Variants in MAGI1 observed in about 807,000 individuals in gnomAD.
The protein encoded by MAGI1 is membrane-associated guanylate kinase, WW and PDZ domain-containing protein 1.
In MAGI1, 58 loss-of-function variants were observed where a neutral mutation model predicts 139.9. The observed-to-expected ratio is 0.41, with a 90% CI of 0.34 to 0.52. The LOEUF (loss-of-function observed/expected upper bound fraction) is 0.52, where lower values mean the gene tolerates loss of function less well. MAGI1 is among the 20% of genes least tolerant of loss of function. MAGI1 has a pLI of 0.12. For missense variants in MAGI1, 1,874 were observed against 1,901.6 expected (o/e 0.99, Z 0.27); for synonymous variants, 812 against 737.9 (o/e 1.10, Z -1.63).
intron 9 of MAGI1, among the ~76,000 whole-genome samples, chr3:65,437,967 T>C (rs1403996332): frequency 6.6e-6 from 1 of 152,182 alleles, no homozygotes; most frequent in East Asian, 1.9e-4. Context: ...ACACTGTCGA[T>C]GAGAATGTAA....
chr3:65,692,350 G>A (rs1003292305), intron 1 of MAGI1, among the ~76,000 whole-genome samples: 3 of 152,118 alleles, frequency 2.0e-5, no homozygotes, highest in African/African-American at 2.4e-5. Context: ...GCATACTCTG[G>A]GTTAAGAACT....
chr3:65,909,100 C>T (rs1341855538), intron 1 of MAGI1, among the ~76,000 whole-genome samples: 1 of 152,080 alleles, frequency 6.6e-6, no homozygotes, highest in Non-Finnish European at 1.5e-5. Flanking sequence ...TTCTCATTAC[C>T]AGAAGCCTTT....
intron 5 of MAGI1, among the ~76,000 whole-genome samples, chr3:65,462,195 T>C (rs1278521434): frequency 9.9e-5 from 15 of 152,230 alleles, no homozygotes; most frequent in Non-Finnish European, 2.2e-4. Context: ...TCTTTGCCCA[T>C]GCCTATGTCC....
At chr3:65,596,706 C>T (rs2082220373) in intron 2 of MAGI1, among the ~76,000 whole-genome samples, 1 of 152,172 alleles carries the variant, frequency 6.6e-6, no homozygotes, top group Admixed American at 6.5e-5. Context: ...GGAGGCATAG[C>T]CTTCCTGAAT....
intron 1 of MAGI1, among the ~76,000 whole-genome samples, chr3:65,665,548 A>C (rs918254702): frequency 4.6e-5 from 7 of 152,254 alleles, no homozygotes; most frequent in Non-Finnish European, 7.3e-5. Flanking sequence ...ATTAAACAGA[A>C]ATACAAGTAA....
chr3:65,532,281 T>A (rs2078749630), intron 2 of MAGI1, among the ~76,000 whole-genome samples: 1 of 152,226 alleles, frequency 6.6e-6, no homozygotes, highest in African/African-American at 2.4e-5. Flanking sequence ...TTCTCTGACC[T>A]CATCTGCTTT....
At chr3:65,800,807 A>G (rs1404111826) in intron 1 of MAGI1, among the ~76,000 whole-genome samples, 1 of 152,142 alleles carries the variant, frequency 6.6e-6, no homozygotes, top group Non-Finnish European at 1.5e-5. Context: ...TTTTTCTCAT[A>G]TATTTTCTTC....
intron 1 of MAGI1, among the ~76,000 whole-genome samples, chr3:66,006,029 A>G (rs1157052364): frequency 1.3e-5 from 2 of 152,160 alleles, no homozygotes; most frequent in African/African-American, 2.4e-5. Flanking sequence ...AAAAAATTAT[A>G]TTTAGAGAGA....
intron 2 of MAGI1, among the ~76,000 whole-genome samples, chr3:65,514,277 G>A (rs1368402801): frequency 7.0e-6 from 1 of 141,926 alleles, no homozygotes; most frequent in East Asian, 2.1e-4. Context: ...AACACCAAAA[G>A]CAATGGCAAC....
chr3:65,364,986 G>T, intron 18 of MAGI1, 40 bp from the exon 19 acceptor site: 1 of 1,538,060 alleles, frequency 6.5e-7, no homozygotes, highest in South Asian at 1.1e-5. Context: ...GAAGACCCCA[G>T]AGAAGACATC....
chr3:65,528,997 G>GA (rs1321524955), intron 2 of MAGI1, among the ~76,000 whole-genome samples: 1 of 152,158 alleles, frequency 6.6e-6, no homozygotes, highest in East Asian at 1.9e-4. Flanking sequence ...AGTGAGCTGA[G>GA]ACTGCACCAC....
intron 1 of MAGI1, among the ~76,000 whole-genome samples, chr3:65,681,842 GT>G (rs1450838306): frequency 1.3e-5 from 2 of 152,158 alleles, no homozygotes; most frequent in Non-Finnish European, 2.9e-5. Flanking sequence ...TTTAATAAGA[GT>G]TTTGGCTTTT....
intron 1 of MAGI1, among the ~76,000 whole-genome samples, chr3:65,790,141 C>T (rs1485211296): frequency 2.6e-5 from 4 of 152,160 alleles, no homozygotes; most frequent in Admixed American, 6.5e-5. Flanking sequence ...GCTTAACAGG[C>T]TAGGCAAGTT....
chr3:65,823,033 C>T (rs964915030), intron 1 of MAGI1, among the ~76,000 whole-genome samples: 3 of 152,168 alleles, frequency 2.0e-5, no homozygotes, highest in African/African-American at 4.8e-5. Flanking sequence ...TATTTTGCAA[C>T]ATTTGGCAAT....
intron 2 of MAGI1, among the ~76,000 whole-genome samples, chr3:65,587,762 G>C (rs12639330): frequency 0.064 from 9,754 of 152,138 alleles, 394 homozygotes; most frequent in East Asian, 0.16. Context: ...GATTACAGAC[G>C]TGAACCAAGG....
At chr3:65,791,438 A>G (rs74461689) in intron 1 of MAGI1, among the ~76,000 whole-genome samples, 4,917 of 152,318 alleles carry the variant, frequency 0.032, 106 homozygotes, top group Non-Finnish European at 0.045. Flanking sequence ...CACTGCTGAA[A>G]AAATACTAAT....
chr3:65,727,071 A>C (rs556559539), intron 1 of MAGI1, among the ~76,000 whole-genome samples: 1 of 152,308 alleles, frequency 6.6e-6, no homozygotes, highest in East Asian at 1.9e-4. Flanking sequence ...GGAAGAAAAC[A>C]AAATATATGG....
At chr3:65,778,286 T>C (rs1481646722) in intron 1 of MAGI1, among the ~76,000 whole-genome samples, 1 of 151,888 alleles carries the variant, frequency 6.6e-6, no homozygotes, top group Non-Finnish European at 1.5e-5. Flanking sequence ...AAAAATTAGC[T>C]GGGCATGGTG....
chr3:66,003,598 C>T (rs974275198), intron 1 of MAGI1, among the ~76,000 whole-genome samples: 2 of 144,508 alleles, frequency 1.4e-5, no homozygotes, highest in African/African-American at 4.9e-5. Flanking sequence ...GCTGGGATTA[C>T]AGACACACAC....
Sources: gnomAD v4.1 joint callset for allele counts (sites outside exome capture counted in the v4.1 genomes callset) on GRCh38, gnomAD v4.1.1 for gene constraint, MANE v1.5 for transcripts, NCBI Gene and HGNC (gene_info 2026-07-23, HGNC 2026-07-21) for gene names.